Variants in THSD7B observed in about 807,000 individuals in gnomAD.
The protein encoded by THSD7B is thrombospondin type 1 domain containing 7B, also known as thrombospondin type-1 domain-containing protein 7B.
THSD7B carries 138 observed loss-of-function variants against 213.6 expected under a neutral mutation model. The ratio of observed to expected loss-of-function variants is 0.65; its 90% CI spans 0.56 to 0.74. THSD7B has a LOEUF of 0.74. Among genes scored for constraint, THSD7B ranks in the 30% least tolerant of loss-of-function variants. THSD7B has a pLI of 0.00. For synonymous variants in THSD7B, 742 were observed against 687.0 expected, an observed-to-expected ratio of 1.08 and a Z score of -1.25; for missense variants, 1,931 against 1,991.5, an observed-to-expected ratio of 0.97 and a Z score of 0.58.
chr2:137,608,328 TACAATA>T (rs1682225529), intron 17 of THSD7B, among the ~76,000 whole-genome samples: 1 of 152,146 alleles, frequency 6.6e-6, no homozygotes, highest in African/African-American at 2.4e-5. Flanking sequence ...CTTTTCAGAT[TACAATA>T]ACTGCAATCA....
chr2:137,399,809 T>A (rs930505751), intron 12 of THSD7B, among the ~76,000 whole-genome samples: 1 of 152,164 alleles, frequency 6.6e-6, no homozygotes, highest in Non-Finnish European at 1.5e-5. Flanking sequence ...TTTATTTTTC[T>A]TCTCCCTCAG....
At chr2:136,913,510 G>C (rs1684301646) in intron 2 of THSD7B, among the ~76,000 whole-genome samples, 1 of 152,238 alleles carries the variant, frequency 6.6e-6, no homozygotes, top group Non-Finnish European at 1.5e-5. Context: ...CTTCATGGCA[G>C]CCCCTCCCAT....
chr2:136,798,020 G>C (rs1036165056), intron 1 of THSD7B, among the ~76,000 whole-genome samples: 3 of 151,808 alleles, frequency 2.0e-5, no homozygotes, highest in African/African-American at 4.8e-5. Context: ...CATTCCAGTA[G>C]ACTTATTTTT....
At chr2:136,820,201 A>G (rs1428078223) in intron 1 of THSD7B, among the ~76,000 whole-genome samples, 1 of 152,194 alleles carries the variant, frequency 6.6e-6, no homozygotes, top group Non-Finnish European at 1.5e-5. Context: ...AACACCTCAA[A>G]CGGTGCTGGA....
At chr2:137,241,622 C>T (rs1468714505) in intron 9 of THSD7B, among the ~76,000 whole-genome samples, 1 of 151,886 alleles carries the variant, frequency 6.6e-6, no homozygotes, top group East Asian at 1.9e-4. Flanking sequence ...ATAGAAATAC[C>T]TGTTAATTGA....
At chr2:136,991,570 A>G (rs1685785044) in intron 2 of THSD7B, among the ~76,000 whole-genome samples, 1 of 152,148 alleles carries the variant, frequency 6.6e-6, no homozygotes, top group Non-Finnish European at 1.5e-5. Flanking sequence ...GAGTAGCAGA[A>G]TACTAAATGC....
intron 1 of THSD7B, among the ~76,000 whole-genome samples, chr2:136,871,460 A>T (rs1187265146): frequency 6.6e-6 from 1 of 152,146 alleles, no homozygotes; most frequent in African/African-American, 2.4e-5. Flanking sequence ...GAGAGAAATA[A>T]GACAAATTGA....
At chr2:137,162,721 C>CCTTCCTTT (rs892896728) in intron 6 of THSD7B, among the ~76,000 whole-genome samples, 2 of 151,874 alleles carry the variant, frequency 1.3e-5, no homozygotes, top group Non-Finnish European at 1.5e-5. Flanking sequence ...TCCCTCCCTT[C>CCTTCCTTT]CTTCCTTTCT....
At chr2:136,971,983 A>C (rs1685412458) in intron 2 of THSD7B, among the ~76,000 whole-genome samples, 3 of 152,138 alleles carry the variant, frequency 2.0e-5, no homozygotes, top group African/African-American at 7.2e-5. Flanking sequence ...AATTATGATA[A>C]AGTCCAGACA....
chr2:136,790,602 A>G (rs1194786761), intron 1 of THSD7B, among the ~76,000 whole-genome samples: 57 of 152,218 alleles, frequency 3.7e-4, no homozygotes, highest in Admixed American at 3.6e-3. Flanking sequence ...TATTTTCTCC[A>G]TAAAAAGATG....
At chr2:137,041,314 A>G (rs1263051754) in intron 2 of THSD7B, among the ~76,000 whole-genome samples, 4 of 152,176 alleles carry the variant, frequency 2.6e-5, no homozygotes, top group African/African-American at 9.7e-5. Context: ...TGATGATGGG[A>G]TGAGCATAAG....
intron 2 of THSD7B, among the ~76,000 whole-genome samples, chr2:136,962,917 T>C (rs1335492233): frequency 6.6e-6 from 1 of 152,190 alleles, no homozygotes; most frequent in East Asian, 1.9e-4. Flanking sequence ...ATATTTCAAT[T>C]CTGATTTTAG....
chr2:137,406,479 A>T (rs1166040820), intron 13 of THSD7B, among the ~76,000 whole-genome samples: 1 of 152,182 alleles, frequency 6.6e-6, no homozygotes, highest in Non-Finnish European at 1.5e-5. Context: ...TTAACTTCTT[A>T]TGTGTTTGTA....
At chr2:137,548,807 T>A (rs1201987830) in intron 15 of THSD7B, among the ~76,000 whole-genome samples, 1 of 152,084 alleles carries the variant, frequency 6.6e-6, no homozygotes, top group Non-Finnish European at 1.5e-5. Context: ...GCCATACAAA[T>A]GTAGGATTTC....
chr2:137,416,817 A>G (rs747386183), intron 14 of THSD7B, among the ~76,000 whole-genome samples: 11 of 152,236 alleles, frequency 7.2e-5, no homozygotes, highest in African/African-American at 2.7e-4. Context: ...CCCTCGATGT[A>G]TAGTTTGGGA....
At chr2:137,063,452 A>G (rs772765394) in intron 3 of THSD7B, among the ~76,000 whole-genome samples, 2 of 152,082 alleles carry the variant, frequency 1.3e-5, no homozygotes, top group Non-Finnish European at 2.9e-5. Context: ...ATTTTGATAC[A>G]AGCATGCAAT....
intron 15 of THSD7B, among the ~76,000 whole-genome samples, chr2:137,540,665 G>A (rs551992820): frequency 6.6e-6 from 1 of 151,806 alleles, no homozygotes; most frequent in South Asian, 2.1e-4. Context: ...AGCTGGTCTG[G>A]TACAAACAGC....
At chr2:137,448,287 G>C (rs571614003) in intron 14 of THSD7B, among the ~76,000 whole-genome samples, 63 of 152,320 alleles carry the variant, frequency 4.1e-4, no homozygotes, top group African/African-American at 1.5e-3. Flanking sequence ...GCCTGGGATG[G>C]CAGAACACTG....
intron 2 of THSD7B, among the ~76,000 whole-genome samples, chr2:137,045,009 C>T (rs1397542112): frequency 6.6e-6 from 1 of 152,188 alleles, no homozygotes; most frequent in African/African-American, 2.4e-5. Context: ...TTCCTGTCTT[C>T]CACCTAAAAA....
Sources: allele counts gnomAD v4.1 joint callset (sites outside exome capture counted in the v4.1 genomes callset), GRCh38; gene constraint gnomAD v4.1.1; transcripts MANE v1.5; gene names NCBI Gene and HGNC (gene_info 2026-07-23, HGNC 2026-07-21).